USP37: variants seen among roughly 807,000 people sequenced by gnomAD.
USP37 encodes the protein ubiquitin specific peptidase 37, also known as ubiquitin carboxyl-terminal hydrolase 37.
In USP37, 27 loss-of-function variants were observed where a neutral mutation model predicts 124.0. That is an observed-to-expected ratio of 0.22 (90% CI 0.16 to 0.30). The LOEUF is 0.30. Ranked by LOEUF, USP37 falls within the 10% of genes least tolerant of loss-of-function variation. USP37 has a pLI of 1.00. For missense variants in USP37, 889 were observed against 1,140.4 expected (o/e 0.78, Z 3.17); for synonymous variants, 365 against 388.0 (o/e 0.94, Z 0.70).
intron 8 of USP37, among the ~76,000 whole-genome samples, chr2:218,538,207 G>C (rs1473465678): frequency 6.6e-6 from 1 of 152,178 alleles, no homozygotes; most frequent in Admixed American, 6.5e-5. Context: ...GTCCCACTAG[G>C]GACTGCCTTG....
chr2:218,514,199 T>C (rs1218023125), intron 10 of USP37: 2 of 152,130 alleles, frequency 1.3e-5, no homozygotes, highest in African/African-American at 4.8e-5. Flanking sequence ...TATATAACCA[T>C]AGTACAATGA....
chr2:218,568,125 A>T (rs1693760942), intron 1 of USP37, 53 bp downstream of exon 1: 1 of 152,388 alleles, frequency 6.6e-6, no homozygotes, highest in Non-Finnish European at 1.5e-5. Flanking sequence ...GCACAGAAGG[A>T]GGAGGAGGTA....
intron 8 of USP37, among the ~76,000 whole-genome samples, chr2:218,543,966 A>G (rs1692153279): frequency 6.6e-6 from 1 of 152,162 alleles, no homozygotes; most frequent in Non-Finnish European, 1.5e-5. Context: ...CTAGAGAGTC[A>G]GTTTTGTAGA....
At chr2:218,544,428 T>TAC (rs1241793062) in intron 8 of USP37, among the ~76,000 whole-genome samples, 29 of 50,058 alleles carry the variant, frequency 5.8e-4, no homozygotes, top group Non-Finnish European at 7.8e-4. Context: ...TATATATATA[T>TAC]ATAGAGAGAG....
At chr2:218,535,727 C>T (rs1691595381) in intron 8 of USP37, among the ~76,000 whole-genome samples, 1 of 151,954 alleles carries the variant, frequency 6.6e-6, no homozygotes, top group Admixed American at 6.6e-5. Context: ...TGGTGGCGGG[C>T]ACCTGTAGTC....
In USP37 at chr2:218,518,394, C is replaced by T. The variant is rs535708267; in HGVS notation, c.864-8254G>A. On this transcript the variant is annotated intron_variant, in intron 10 of 25. Coordinates refer to ENST00000258399, the MANE Select transcript of USP37 (RefSeq NM_020935.3). ...TATGTGGAGCCCTGTGGTCCACTGC[C>T]GATCTAAACTATTTCTTCTAGTAAT... Among the ~76,000 whole-genome samples the T allele has an allele frequency of 1.9e-4, 29 of 152,126 alleles. No individual in the cohort carries two copies. In the South Asian group the frequency reaches 5.8e-3, roughly 31 times the overall value.
At chr2:218,552,064 T>C (rs1281597205) in intron 5 of USP37, among the ~76,000 whole-genome samples, 1 of 152,122 alleles carries the variant, frequency 6.6e-6, no homozygotes, top group Non-Finnish European at 1.5e-5. Flanking sequence ...AGTGCTGGGA[T>C]TACAGGTGTG....
intron 3 of USP37, among the ~76,000 whole-genome samples, chr2:218,559,444 A>G (rs1341611052): frequency 6.6e-6 from 1 of 152,270 alleles, no homozygotes; most frequent in Non-Finnish European, 1.5e-5. Flanking sequence ...CCGTATGTAC[A>G]GAAGACATTA....
intron 10 of USP37, among the ~76,000 whole-genome samples, chr2:218,529,220 G>C (rs1691161293): frequency 6.6e-6 from 1 of 152,172 alleles, no homozygotes; most frequent in Non-Finnish European, 1.5e-5. Context: ...ATTTTCTGTA[G>C]AGTGGTCGGA....
At chr2:218,488,251 A>G in intron 15 of USP37, 53 bp downstream of exon 15, 1 of 1,168,064 alleles carries the variant, frequency 8.6e-7, no homozygotes, top group Non-Finnish European at 1.2e-6. Flanking sequence ...TTCAAATACA[A>G]CTATCAATGA....
At chr2:218,538,114 G>A (rs774517170) in intron 8 of USP37, among the ~76,000 whole-genome samples, 3 of 152,200 alleles carry the variant, frequency 2.0e-5, no homozygotes, top group Non-Finnish European at 4.4e-5. Context: ...AAGCTGAAAC[G>A]AGGAATAAAC....
intron 1 of USP37, among the ~76,000 whole-genome samples, chr2:218,563,215 T>C (rs1224278135): frequency 6.6e-6 from 1 of 151,546 alleles, no homozygotes; most frequent in Non-Finnish European, 1.5e-5. Context: ...ATTAACTTCT[T>C]GGTTATTTAA....
rs528597759 is a variant in USP37 at position 218,453,513 on chromosome 2, T to C, written c.*1417A>G. 4 of 152,328 alleles carry C rather than the reference T, an allele frequency of 2.6e-5. No individual in the cohort carries two copies. Among genetic ancestry groups the C allele is most frequent in the African/African-American group, 7.2e-5 (3 of 41,580 alleles). 9.4% of individuals were successfully genotyped at this position (152,328 alleles called of 1,614,324 possible). ...AAAGAATATAATGATGGTTTCATTT[T>C]TCTATATTTAACTCTGTGTGATCCT... On this transcript the variant is annotated 3_prime_UTR_variant, in exon 26 of 26. Transcript: ENST00000258399.
rs183154296 is a variant in USP37, at chr2:218,533,990, C to A, written c.778+619G>T. 3.2e-3 allele frequency among the ~76,000 whole-genome samples: 491 copies of A among 152,348 alleles called. 1 individual carries two copies. Among genetic ancestry groups the A allele is most frequent in the African/African-American group, 0.011 (472 of 41,584 alleles). Reference sequence around the variant, plus strand: ...CTTCTAATAAGCACTAACACTGATGCACTTTAATTTCAACCACTTTACTCC... The same window carrying A: ...CTTCTAATAAGCACTAACACTGATGAACTTTAATTTCAACCACTTTACTCC... On this transcript the variant is annotated intron_variant, in intron 9 of 25. Coordinates refer to ENST00000258399, the MANE Select transcript of USP37 (RefSeq NM_020935.3).
At chr2:218,517,201 T>C (rs1214711606) in intron 10 of USP37, among the ~76,000 whole-genome samples, 3 of 152,252 alleles carry the variant, frequency 2.0e-5, no homozygotes, top group Non-Finnish European at 4.4e-5. Flanking sequence ...TTTAACTCCA[T>C]TTAATTATTC....
At chr2:218,556,335 A>G (rs1310570803) in intron 4 of USP37, among the ~76,000 whole-genome samples, 1 of 151,966 alleles carries the variant, frequency 6.6e-6, no homozygotes, top group Non-Finnish European at 1.5e-5. Context: ...CAGAAAATTC[A>G]GGGTTAAAGA....
intron 10 of USP37, among the ~76,000 whole-genome samples, chr2:218,524,589 T>C (rs1690849557): frequency 6.6e-6 from 1 of 152,206 alleles, no homozygotes; most frequent in Non-Finnish European, 1.5e-5. Context: ...TTTACATACA[T>C]AAAATAACCC....
At chr2:218,480,001 C>G (rs1238395532) in intron 17 of USP37, among the ~76,000 whole-genome samples, 3 of 151,982 alleles carry the variant, frequency 2.0e-5, no homozygotes, top group Non-Finnish European at 4.4e-5. Context: ...CAAAAATTAG[C>G]TGGGTTTGGC....
intron 23 of USP37, among the ~76,000 whole-genome samples, chr2:218,459,216 C>G (rs548591143): frequency 7.5e-4 from 114 of 151,948 alleles, no homozygotes; most frequent in Non-Finnish European, 1.2e-3. Context: ...ATTTTTTCCC[C>G]CCGAGATGGA....
Sources: allele counts gnomAD v4.1 joint callset (sites outside exome capture counted in the v4.1 genomes callset), GRCh38; gene constraint gnomAD v4.1.1; transcripts MANE v1.5; gene names NCBI Gene and HGNC (gene_info 2026-07-23, HGNC 2026-07-21).